Variants in RNF43 observed in about 807,000 individuals in gnomAD.
RNF43 encodes the protein E3 ubiquitin-protein ligase RNF43.
A neutral mutation model predicts 78.4 loss-of-function variants in RNF43; 37 were observed. That is an observed-to-expected ratio of 0.47 (90% CI 0.36 to 0.62). The LOEUF is 0.62. Ranked by LOEUF, RNF43 falls within the 20% of genes least tolerant of loss-of-function variation. RNF43 has a pLI of 0.00. For missense variants in RNF43, 774 were observed against 1,007.9 expected, an observed-to-expected ratio of 0.77 and a Z score of 3.14; for synonymous variants, 347 against 395.0, an observed-to-expected ratio of 0.88 and a Z score of 1.44.
rs1039051017 is a variant in RNF43 at position 58,357,547 on chromosome 17, C to A, written c.2229G>T (p.Gly743=). ...CGGTGTCAGAACTCCATTCAGAAGGCCCCTCCCCAGGTGGATGTGGTTCCA... is the reference window on the plus strand; with the variant it reads ...CGGTGTCAGAACTCCATTCAGAAGGACCCTCCCCAGGTGGATGTGGTTCCA... The part of the protein sequence containing the change: ...QPLEPHPPGE[G]PSEWSSDTAE... The change falls in exon 9 of 10, where the codon GGG becomes GGT. Residue 743 remains glycine (G), a synonymous_variant. Coordinates refer to ENST00000407977, the MANE Select transcript of RNF43 (RefSeq NM_017763.6). The surrounding 1 kb of genome is among the most constrained non-coding windows in gnomAD (Gnocchi z 4.5). 6.2e-7 allele frequency: 1 copy of A among 1,614,214 alleles called. No individual in the cohort carries two copies. Among genetic ancestry groups the A allele is most frequent in the Non-Finnish European group, 8.5e-7 (1 of 1,180,032 alleles).
chr17:58,359,583 G>A (rs1013099488), intron 8 of RNF43, among the ~76,000 whole-genome samples: 7 of 144,374 alleles, frequency 4.8e-5, no homozygotes, highest in Non-Finnish European at 6.0e-5. Flanking sequence ...CAGCCTGGGC[G>A]ACAGAGCGAG....
At chr17:58,385,581 G>A (rs1300132144) in intron 2 of RNF43, among the ~76,000 whole-genome samples, 1 of 152,146 alleles carries the variant, frequency 6.6e-6, no homozygotes, top group Non-Finnish European at 1.5e-5. Flanking sequence ...GTCATTTCAA[G>A]AACAATCTTC....
At chr17:58,409,782 G>A (rs543409314) in intron 2 of RNF43, among the ~76,000 whole-genome samples, 140 of 152,288 alleles carry the variant, frequency 9.2e-4, no homozygotes, top group African/African-American at 3.3e-3. Flanking sequence ...CTACTTGGGG[G>A]AGCTGAAGTG....
chr17:58,379,751 T>C (rs575773093), intron 2 of RNF43, among the ~76,000 whole-genome samples: 1 of 152,200 alleles, frequency 6.6e-6, no homozygotes, highest in Non-Finnish European at 1.5e-5. Context: ...GCTAATTATC[T>C]GAGCTGCTTT....
chr17:58,375,023 A>G (rs1334650565), intron 2 of RNF43, among the ~76,000 whole-genome samples: 1 of 152,046 alleles, frequency 6.6e-6, no homozygotes, highest in Non-Finnish European at 1.5e-5. Flanking sequence ...CCAATATCCA[A>G]TCAATCGCCA....
At chr17:58,399,789 G>A (rs940429448) in intron 2 of RNF43, among the ~76,000 whole-genome samples, 4 of 151,764 alleles carry the variant, frequency 2.6e-5, no homozygotes, top group African/African-American at 4.8e-5. Context: ...TTACAGTTGC[G>A]TACCACCACG....
In RNF43 at chr17:58,353,895, G is replaced by T. The variant is rs567246757; in HGVS notation, c.*1048C>A. The T allele has an allele frequency of 2.1e-4, 38 of 185,056 alleles. No individual in the cohort carries two copies. The South Asian group carries it at 7.5e-3, about 36-fold the overall frequency. The allele number at this position is 185,056 out of a possible 1,614,324, so 11.5% of individuals were successfully genotyped here. Reference sequence around the variant, plus strand: ...CTGAGGGGCCAAGAGTGGTCAGGCTGCCCTGGGGTGAATGTCACCCTGATG... The same window carrying T: ...CTGAGGGGCCAAGAGTGGTCAGGCTTCCCTGGGGTGAATGTCACCCTGATG... On this transcript the variant is annotated 3_prime_UTR_variant, in exon 10 of 10. Transcript: ENST00000407977.
At chr17:58,374,224 T>TA (rs1973157263) in intron 2 of RNF43, among the ~76,000 whole-genome samples, 1 of 152,052 alleles carries the variant, frequency 6.6e-6, no homozygotes, top group African/African-American at 2.4e-5. Context: ...AGGATAAGGT[T>TA]AAAAAAATAT....
chr17:58,406,653 C>A (rs1320249980), intron 2 of RNF43, among the ~76,000 whole-genome samples: 1 of 151,182 alleles, frequency 6.6e-6, no homozygotes, highest in African/African-American at 2.4e-5. Context: ...TGAGGGAACA[C>A]AAAGCCTAGA....
At chr17:58,359,476 C>T (rs1289353496) in intron 8 of RNF43, among the ~76,000 whole-genome samples, 4 of 151,088 alleles carry the variant, frequency 2.6e-5, no homozygotes, top group African/African-American at 9.7e-5. Flanking sequence ...TGGTGGCGGG[C>T]GCCTATAGTC....
intron 3 of RNF43, among the ~76,000 whole-genome samples, chr17:58,365,615 G>A (rs1972931505): frequency 6.6e-6 from 1 of 152,202 alleles, no homozygotes; most frequent in Non-Finnish European, 1.5e-5. Context: ...CAGACAGTGA[G>A]TCCCTGTGTC....
rs1465018244 is a variant in RNF43, at chr17:58,363,341, C to T, written c.516G>A (p.Leu172=). The T allele has an allele frequency of 6.2e-6, 10 of 1,613,906 alleles. No homozygotes were observed. In the East Asian group the frequency reaches 2.0e-4, roughly 32 times the overall value. ...TTTGGTTCTTGTACACAAACTCCAT[C>T]AGCTTCTCAGCGTCATTACCCCAGA... ...VLIWGNDAEK[L]MEFVYKNQKA... The change falls in exon 5 of 10, where the codon CTG becomes CTA. Residue 172 remains leucine (L), a synonymous_variant. Transcript: ENST00000407977.
chr17:58,374,073 A>T (rs1194159545), intron 2 of RNF43, among the ~76,000 whole-genome samples: 1 of 152,188 alleles, frequency 6.6e-6, no homozygotes, highest in East Asian at 1.9e-4. Context: ...TTTCATCCTC[A>T]TAACAACACT....
downstream of RNF43, chr17:58,353,556 C>A (rs1402679393): frequency 9.7e-6 from 2 of 206,844 alleles, no homozygotes; most frequent in Non-Finnish European, 2.0e-5. Context: ...CCTATCCTTT[C>A]ATGAATCGGA....
intron 9 of RNF43, among the ~76,000 whole-genome samples, chr17:58,355,994 AAGAG>A (rs1159248516): frequency 6.7e-6 from 1 of 149,848 alleles, no homozygotes; most frequent in African/African-American, 2.6e-5. Flanking sequence ...AGGCAAGAAA[AAGAG>A]AGGCACTGAA....
intron 3 of RNF43, among the ~76,000 whole-genome samples, chr17:58,368,764 T>C (rs528214736): frequency 6.6e-6 from 1 of 151,652 alleles, no homozygotes; most frequent in East Asian, 1.9e-4. Flanking sequence ...AAACTAACTA[T>C]ATTTATTACT....
rs1236934148 is a variant in RNF43 at position 58,357,524 on chromosome 17, G to A, written c.2252C>T (p.Thr751Ile). The A allele has an allele frequency of 1.2e-6, 2 of 1,614,242 alleles. No homozygotes were observed. Among genetic ancestry groups the A allele is most frequent in the Admixed American group, 1.7e-5 (1 of 60,032 alleles). ...GEGPSEWSSDTAEGRPCPYPH... is the reference protein window; with the variant it reads ...GEGPSEWSSDIAEGRPCPYPH... Reference sequence around the variant, plus strand: ...ATAAGGGCATGGCCTGCCCTCTGCGGTGTCAGAACTCCATTCAGAAGGCCC... The same window carrying A: ...ATAAGGGCATGGCCTGCCCTCTGCGATGTCAGAACTCCATTCAGAAGGCCC... The change falls in exon 9 of 10, where the codon ACC becomes ATC. Residue 751 changes from threonine to isoleucine, a missense_variant. Transcript: ENST00000407977. The surrounding 1 kb of genome is among the most constrained non-coding windows in gnomAD (Gnocchi z 4.5).
At chr17:58,384,202 G>A (rs1973383883) in intron 2 of RNF43, among the ~76,000 whole-genome samples, 1 of 152,234 alleles carries the variant, frequency 6.6e-6, no homozygotes, top group South Asian at 2.1e-4. Context: ...ATCAAAGGCT[G>A]ATAAATGAGA....
Position 58,357,303 on chromosome 17 carries a change from C to G in RNF43, c.2308+165G>C, listed in dbSNP as rs1409302781. ...GGCAGAGGTGGGGTGTTCCTGCACT[C>G]TAGCCAGCATGATACGCTGTCCCGA... is the stretch of plus-strand genomic sequence containing the variant. On this transcript the variant is annotated intron_variant, in intron 9 of 9. Transcript: ENST00000407977. The surrounding 1 kb of genome is among the most constrained non-coding windows in gnomAD (Gnocchi z 4.5). 16 of 902,100 alleles carry G rather than the reference C, an allele frequency of 1.8e-5. No homozygotes were observed. The highest frequency in any genetic ancestry group is 2.5e-5 in the Non-Finnish European group (14 of 563,292). The allele number at this position is 902,100 out of a possible 1,614,324, so 55.9% of individuals were successfully genotyped here.
Sources: allele counts gnomAD v4.1 joint callset (sites outside exome capture counted in the v4.1 genomes callset), GRCh38; gene constraint gnomAD v4.1.1; non-coding constraint Gnocchi (gnomAD v3.1); transcripts MANE v1.5; gene names NCBI Gene and HGNC (gene_info 2026-07-23, HGNC 2026-07-21).